TARS3: variants seen among roughly 807,000 people sequenced by gnomAD.
The protein encoded by TARS3 is threonine--tRNA ligase 2, cytoplasmic.
A neutral mutation model predicts 103.5 loss-of-function variants in TARS3; 94 were observed. That is an observed-to-expected ratio of 0.91 (90% CI 0.77 to 1.08). TARS3 has a LOEUF of 1.08. Ranked by LOEUF, TARS3 falls within the 50% of genes least tolerant of loss-of-function variation. TARS3 has a pLI of 0.00. For missense variants in TARS3, 952 were observed against 995.2 expected (o/e 0.96, Z 0.58); for synonymous variants, 416 against 355.4 (o/e 1.17, Z -1.92).
intron 7 of TARS3, among the ~76,000 whole-genome samples, 196 bp from the exon 8 acceptor site, chr15:101,704,133 C>T (rs1205398626): frequency 2.6e-5 from 4 of 152,184 alleles, no homozygotes; most frequent in Admixed American, 6.5e-5. Flanking sequence ...TCAAAAACCA[C>T]AGAACATCTT....
intron 12 of TARS3, among the ~76,000 whole-genome samples, chr15:101,678,988 T>C (rs1898145719): frequency 1.3e-5 from 2 of 152,194 alleles, no homozygotes; most frequent in Admixed American, 1.3e-4. Context: ...GGATTTTTGT[T>C]TTTTGTTTTT....
At position 101,656,057 on chromosome 15, in the gene TARS3, A is replaced by C. The variant is rs1168754520; in HGVS notation, c.2260+865T>G. 3.9e-6 allele frequency: 5 copies of C among 1,288,908 alleles called. No homozygotes were observed. In the East Asian group the frequency reaches 1.7e-4, roughly 43 times the overall value. 79.8% of individuals were successfully genotyped at this position (1,288,908 alleles called of 1,614,324 possible). On this transcript the variant is annotated intron_variant, in intron 18 of 18. Coordinates refer to ENST00000335968, the MANE Select transcript of TARS3 (RefSeq NM_152334.3). Reference sequence around the variant, plus strand: ...TGGAATAAGGTAGATATTCAAGAGAAGCATAAAGAACCAGAGCAAGACAGG... The same window carrying C: ...TGGAATAAGGTAGATATTCAAGAGACGCATAAAGAACCAGAGCAAGACAGG...
At chr15:101,710,284 C>T (rs1456660658) in intron 5 of TARS3, among the ~76,000 whole-genome samples, 3 of 152,172 alleles carry the variant, frequency 2.0e-5, no homozygotes, top group East Asian at 1.9e-4. Flanking sequence ...TCATCTCTAT[C>T]CTTTGTAACA....
chr15:101,658,143 G>A (rs1897251402), intron 16 of TARS3, among the ~76,000 whole-genome samples: 1 of 152,112 alleles, frequency 6.6e-6, no homozygotes, highest in Non-Finnish European at 1.5e-5. Context: ...CCTGGCATTT[G>A]TCCCAGAGAA....
At chr15:101,689,936 G>A (rs1165480435) in intron 10 of TARS3, among the ~76,000 whole-genome samples, 6 of 152,320 alleles carry the variant, frequency 3.9e-5, no homozygotes, top group African/African-American at 7.2e-5. Context: ...TGGCCCTAGC[G>A]TCCATCTACA....
chr15:101,697,676 C>T (rs770078067), intron 10 of TARS3, among the ~76,000 whole-genome samples: 2 of 152,112 alleles, frequency 1.3e-5, no homozygotes, highest in African/African-American at 4.8e-5. Flanking sequence ...CACAGCCTTA[C>T]GGTAAAGATC....
intron 7 of TARS3, among the ~76,000 whole-genome samples, chr15:101,704,365 A>G (rs1260624818): frequency 6.6e-6 from 1 of 152,188 alleles, no homozygotes; most frequent in Non-Finnish European, 1.5e-5. Flanking sequence ...TTACATAGAA[A>G]GTCACAGGGC....
intron 15 of TARS3, among the ~76,000 whole-genome samples, chr15:101,662,979 T>C (rs1306014123): frequency 6.6e-6 from 1 of 152,240 alleles, no homozygotes; most frequent in Non-Finnish European, 1.5e-5. Context: ...AATAGATAAA[T>C]TTGAAGAGAA....
At chr15:101,712,087 T>C in intron 4 of TARS3, 86 bp from the exon 5 acceptor site, 1 of 1,443,894 alleles carries the variant, frequency 6.9e-7, no homozygotes, top group African/African-American at 1.4e-5. Flanking sequence ...CAGTAGAAAA[T>C]TTTAAGGAGA....
At chr15:101,663,279 G>T (rs1276796196) in intron 15 of TARS3, among the ~76,000 whole-genome samples, 1 of 152,172 alleles carries the variant, frequency 6.6e-6, no homozygotes, top group Non-Finnish European at 1.5e-5. Flanking sequence ...AGCCACGCTG[G>T]TGTCCTGCAC....
chr15:101,656,318 T>G (rs977287582), intron 18 of TARS3, among the ~76,000 whole-genome samples: 1 of 152,246 alleles, frequency 6.6e-6, no homozygotes, highest in Non-Finnish European at 1.5e-5. Flanking sequence ...AATAGAACAA[T>G]GCTATGCATA....
chr15:101,678,703 T>C (rs1898132864), intron 12 of TARS3, among the ~76,000 whole-genome samples: 2 of 152,224 alleles, frequency 1.3e-5, no homozygotes, highest in African/African-American at 4.8e-5. Flanking sequence ...TGATCAAACA[T>C]AATTTAGAAA....
In TARS3 at chr15:101,654,692, C is replaced by A. The variant is rs749978074; in HGVS notation, c.2299G>T (p.Val767Leu). 5 of 1,613,968 alleles carry A rather than the reference C, an allele frequency of 3.1e-6. No individual in the cohort carries two copies. The highest frequency in any genetic ancestry group is 4.2e-6 in the Non-Finnish European group (5 of 1,179,948). The change falls in exon 19 of 19, where the codon GTG becomes TTG. Residue 767 changes from valine to leucine, a missense_variant. Coordinates refer to ENST00000335968, the MANE Select transcript of TARS3 (RefSeq NM_152334.3). ...TGAATTTTGTTGTCTCTTGTTCGCA[C>A]GTTTACAGCATTATCTATCTTTTCC... is the stretch of plus-strand genomic sequence containing the variant. ...EKEKIDNAVN[V>L]RTRDNKIHGE...
chr15:101,691,548 G>A (rs568412721), intron 10 of TARS3, among the ~76,000 whole-genome samples: 2 of 152,238 alleles, frequency 1.3e-5, no homozygotes, highest in South Asian at 2.1e-4. Flanking sequence ...CCAAAGTGCT[G>A]GGATTACAAG....
chr15:101,723,962 C>T, intron 1 of TARS3, 129 bp downstream of exon 1: 1 of 894,326 alleles, frequency 1.1e-6, no homozygotes, highest in Non-Finnish European at 1.5e-6. Context: ...GCGGGCCAGC[C>T]GCAGGGCACT....
chr15:101,686,611 C>T (rs1400164552), intron 10 of TARS3, among the ~76,000 whole-genome samples: 1 of 152,040 alleles, frequency 6.6e-6, no homozygotes, highest in Non-Finnish European at 1.5e-5. Context: ...AGTTTTTTTC[C>T]AAGCAAAGTT....
intron 2 of TARS3, among the ~76,000 whole-genome samples, chr15:101,722,641 C>T (rs554605006): frequency 0.012 from 272 of 22,470 alleles, 3 homozygotes; most frequent in Non-Finnish European, 0.02. Context: ...CCCATCTCTA[C>T]TAAAAAAAAA....
At position 101,707,882 on chromosome 15, in the gene TARS3, A is replaced by AT. The variant is rs201618223; in HGVS notation, c.930+910dup. On this transcript the variant is annotated intron_variant, in intron 6 of 18. Transcript: ENST00000335968. ...TTACTGCACAAAAAAGAATACTGCA[A>AT]TTTTTTACCAAAACCAACTCTATTT... Among the ~76,000 whole-genome samples the AT allele has an allele frequency of 9.5e-3, 1,440 of 152,286 alleles. 19 individuals carry two copies. The highest frequency in any genetic ancestry group is 0.033 in the African/African-American group (1,375 of 41,554).
chr15:101,674,234 C>T (rs1177475743), intron 13 of TARS3, among the ~76,000 whole-genome samples: 1 of 152,180 alleles, frequency 6.6e-6, no homozygotes, highest in Non-Finnish European at 1.5e-5. Flanking sequence ...TATGTTCAGT[C>T]ACCCTTATTT....
Sources: allele counts gnomAD v4.1 joint callset (sites outside exome capture counted in the v4.1 genomes callset), GRCh38; gene constraint gnomAD v4.1.1; transcripts MANE v1.5; gene names NCBI Gene and HGNC (gene_info 2026-07-23, HGNC 2026-07-21).